Variants in RBFOX1 observed in about 807,000 individuals in gnomAD.
RBFOX1 encodes the protein RNA binding fox-1 homolog 1, also known as RNA binding protein fox-1 homolog 1.
A neutral mutation model predicts 57.7 loss-of-function variants in RBFOX1; 8 were observed. The ratio of observed to expected loss-of-function variants is 0.14; its 90% CI spans 0.08 to 0.25. The LOEUF is 0.25. RBFOX1 is among the 10% of genes least tolerant of loss of function. The probability of loss-of-function intolerance (pLI) is 1.00; values close to 1 mark genes in which losing one functional copy is unlikely to be tolerated. For synonymous variants in RBFOX1, 326 were observed against 222.4 expected, an observed-to-expected ratio of 1.47 and a Z score of -4.15; for missense variants, 611 against 548.5, an observed-to-expected ratio of 1.11 and a Z score of -1.14.
chr16:5,849,632 T>G (rs1265341675), intron 3 of RBFOX1, among the ~76,000 whole-genome samples: 1 of 152,142 alleles, frequency 6.6e-6, no homozygotes, highest in Non-Finnish European at 1.5e-5. Flanking sequence ...AATCTGGAAG[T>G]GCCGACTGCT....
intron 4 of RBFOX1, among the ~76,000 whole-genome samples, chr16:7,103,093 C>T (rs1157457534): frequency 6.6e-6 from 1 of 151,084 alleles, no homozygotes; most frequent in Non-Finnish European, 1.5e-5. Flanking sequence ...ATGCAACACT[C>T]TGTTTCTGAA....
At chr16:5,569,744 A>G (rs1475085343) in intron 2 of RBFOX1, among the ~76,000 whole-genome samples, 1 of 151,826 alleles carries the variant, frequency 6.6e-6, no homozygotes, top group Non-Finnish European at 1.5e-5. Flanking sequence ...TCCTTTCCTC[A>G]TGACCCCTCC....
intron 3 of RBFOX1, among the ~76,000 whole-genome samples, chr16:6,702,361 C>G (rs964320494): frequency 6.6e-6 from 1 of 152,184 alleles, no homozygotes; most frequent in Admixed American, 6.5e-5. Flanking sequence ...CAAGACCAGA[C>G]TGGCCAACAT....
chr16:5,896,951 G>A (rs187950376), intron 4 of RBFOX1, among the ~76,000 whole-genome samples: 12 of 145,208 alleles, frequency 8.3e-5, no homozygotes, highest in African/African-American at 2.1e-4. Flanking sequence ...TGAAAGCTAC[G>A]TTACCCCCGC....
chr16:7,379,484 A>G (rs930114137), intron 4 of RBFOX1, among the ~76,000 whole-genome samples: 14 of 152,234 alleles, frequency 9.2e-5, no homozygotes, highest in African/African-American at 3.1e-4. Context: ...TTCTGCCATT[A>G]TGACTGTGGA....
At chr16:7,511,868 GGTCTT>G (rs2075187091) in intron 4 of RBFOX1, among the ~76,000 whole-genome samples, 1 of 112,946 alleles carries the variant, frequency 8.9e-6, no homozygotes, top group Non-Finnish European at 1.9e-5. Flanking sequence ...AGCAATAGTG[GGTCTT>G]AAAGCGTGAG....
intron 4 of RBFOX1, among the ~76,000 whole-genome samples, chr16:7,444,660 G>C (rs1268693106): frequency 1.3e-5 from 2 of 151,918 alleles, no homozygotes; most frequent in Non-Finnish European, 2.9e-5. Context: ...TGTCTCCCAA[G>C]TAGCTGTACC....
At chr16:6,547,420 G>C (rs11077045) in intron 2 of RBFOX1, among the ~76,000 whole-genome samples, 77,319 of 151,996 alleles carry the variant, frequency 0.51, 20,806 homozygotes, top group Non-Finnish European at 0.6. Flanking sequence ...TGATCAGTTT[G>C]TCAGAGATGA....
chr16:7,597,775 A>C (rs2271133), intron 9 of RBFOX1, among the ~76,000 whole-genome samples: 138,206 of 152,274 alleles, frequency 0.91, 62,961 homozygotes, highest in African/African-American at 0.94. Flanking sequence ...GCTTTTCAAT[A>C]CCATCTGCTC....
At chr16:7,684,146 A>T (rs942540203) in intron 14 of RBFOX1, among the ~76,000 whole-genome samples, 18 of 152,260 alleles carry the variant, frequency 1.2e-4, no homozygotes, top group African/African-American at 4.3e-4. Flanking sequence ...TTCTATTTCA[A>T]TGTGGCCTCT....
intron 14 of RBFOX1, among the ~76,000 whole-genome samples, chr16:7,706,035 T>G (rs914289969): frequency 6.6e-6 from 1 of 152,152 alleles, no homozygotes; most frequent in Admixed American, 6.5e-5. Context: ...ATCCTGGGTA[T>G]TGCTGTGCTC....
At chr16:5,547,826 A>G (rs56306897) in intron 2 of RBFOX1, among the ~76,000 whole-genome samples, 1 of 151,768 alleles carries the variant, frequency 6.6e-6, no homozygotes, top group South Asian at 2.1e-4. Context: ...GTGCTCATTT[A>G]TAAGTGGGAG....
At chr16:7,000,930 C>T (rs901413086) in intron 3 of RBFOX1, among the ~76,000 whole-genome samples, 2 of 152,074 alleles carry the variant, frequency 1.3e-5, no homozygotes, top group Non-Finnish European at 2.9e-5. Context: ...TTGTTTACTT[C>T]CATTAGGAAC....
At chr16:7,131,701 C>A (rs1177911206) in intron 4 of RBFOX1, among the ~76,000 whole-genome samples, 1 of 151,872 alleles carries the variant, frequency 6.6e-6, no homozygotes, top group Non-Finnish European at 1.5e-5. Flanking sequence ...AGACAGTAAG[C>A]CAAGCATAAC....
chr16:6,300,240 A>G (rs1381538673), intron 1 of RBFOX1, among the ~76,000 whole-genome samples: 1 of 152,226 alleles, frequency 6.6e-6, no homozygotes, highest in Admixed American at 6.5e-5. Flanking sequence ...TCAATTAGAC[A>G]GAAGAAATAA....
intron 4 of RBFOX1, among the ~76,000 whole-genome samples, chr16:7,247,208 T>C (rs2094336713): frequency 2.0e-5 from 3 of 152,148 alleles, no homozygotes; most frequent in South Asian, 4.1e-4. Flanking sequence ...AAATGTTCTC[T>C]TGGTGAAGGA....
At chr16:5,376,712 G>T (rs2065993916) in intron 1 of RBFOX1, among the ~76,000 whole-genome samples, 1 of 147,200 alleles carries the variant, frequency 6.8e-6, no homozygotes, top group Non-Finnish European at 1.5e-5. Context: ...TCATCGTCTT[G>T]GTCTATTCTA....
intron 1 of RBFOX1, among the ~76,000 whole-genome samples, chr16:6,214,200 C>T (rs891255197): frequency 2.6e-5 from 4 of 152,212 alleles, no homozygotes; most frequent in African/African-American, 4.8e-5. Flanking sequence ...CCATCTCTCT[C>T]ATGTTTCCCT....
At chr16:6,285,909 C>T (rs2076858739) in intron 1 of RBFOX1, among the ~76,000 whole-genome samples, 1 of 152,150 alleles carries the variant, frequency 6.6e-6, no homozygotes, top group African/African-American at 2.4e-5. Flanking sequence ...TCATCAGTCA[C>T]ATAATTAAAT....
Sources: allele counts gnomAD v4.1 joint callset (sites outside exome capture counted in the v4.1 genomes callset), GRCh38; gene constraint gnomAD v4.1.1; transcripts MANE v1.5; gene names NCBI Gene and HGNC (gene_info 2026-07-23, HGNC 2026-07-21).